Variants in CNTN4 observed in about 807,000 individuals in gnomAD.
CNTN4 encodes the protein contactin-4.
Under a neutral mutation model 122.5 loss-of-function variants are expected in CNTN4, and 77 were observed. The ratio of observed to expected loss-of-function variants is 0.63; its 90% CI spans 0.52 to 0.76. The LOEUF is 0.76. Among genes scored for constraint, CNTN4 ranks in the 30% least tolerant of loss-of-function variants. The pLI is 0.00. For synonymous variants in CNTN4, 512 were observed against 447.0 expected, an observed-to-expected ratio of 1.15 and a Z score of -1.83; for missense variants, 1,256 against 1,259.1, an observed-to-expected ratio of 1.00 and a Z score of 0.04.
intron 3 of CNTN4, among the ~76,000 whole-genome samples, chr3:2,363,103 G>T (rs1189329541): frequency 6.6e-6 from 1 of 152,144 alleles, no homozygotes; most frequent in African/African-American, 2.4e-5. Flanking sequence ...TCAAAGCCTG[G>T]CTGATTCTCT....
chr3:2,542,902 T>C (rs2078091601), intron 3 of CNTN4, among the ~76,000 whole-genome samples: 1 of 152,104 alleles, frequency 6.6e-6, no homozygotes, highest in Non-Finnish European at 1.5e-5. Flanking sequence ...CATGCTTACG[T>C]TGTATTCATG....
chr3:2,165,574 A>C (rs1330766585), intron 2 of CNTN4, among the ~76,000 whole-genome samples: 1 of 152,146 alleles, frequency 6.6e-6, no homozygotes, highest in Non-Finnish European at 1.5e-5. Context: ...CAAGTATACA[A>C]TACATTATTA....
chr3:2,329,373 T>C (rs1467209629), intron 2 of CNTN4, among the ~76,000 whole-genome samples: 2 of 152,196 alleles, frequency 1.3e-5, no homozygotes, highest in African/African-American at 2.4e-5. Context: ...CTCCAGACCA[T>C]GTTTCCTTCA....
intron 3 of CNTN4, among the ~76,000 whole-genome samples, chr3:2,390,387 G>C (rs1245544569): frequency 6.6e-6 from 1 of 151,988 alleles, no homozygotes; most frequent in Non-Finnish European, 1.5e-5. Context: ...AGTTAAGAAA[G>C]ATGCACCTAG....
intron 4 of CNTN4, among the ~76,000 whole-genome samples, chr3:2,677,675 G>A (rs1292973327): frequency 1.3e-5 from 2 of 151,996 alleles, no homozygotes; most frequent in African/African-American, 4.8e-5. Flanking sequence ...TTAAACAGTT[G>A]ACTTCAAATT....
chr3:2,396,486 C>T (rs1189253683), intron 3 of CNTN4, among the ~76,000 whole-genome samples: 1 of 152,132 alleles, frequency 6.6e-6, no homozygotes, highest in African/African-American at 2.4e-5. Context: ...ACCCCCTCCC[C>T]AGCCTCCCAC....
chr3:2,797,585 C>T (rs910028050), intron 6 of CNTN4, among the ~76,000 whole-genome samples: 5 of 152,152 alleles, frequency 3.3e-5, no homozygotes, highest in South Asian at 2.1e-4. Flanking sequence ...GCAACAAGAG[C>T]GAAACTCCGC....
intron 2 of CNTN4, among the ~76,000 whole-genome samples, chr3:2,121,617 A>G (rs1341088291): frequency 6.6e-6 from 1 of 152,240 alleles, no homozygotes. Flanking sequence ...TGAAGAATAT[A>G]AGCAAATGTC....
At chr3:3,020,849 G>A (rs1379075297) in intron 14 of CNTN4, among the ~76,000 whole-genome samples, 8 of 152,108 alleles carry the variant, frequency 5.3e-5, no homozygotes, top group Admixed American at 4.6e-4. Flanking sequence ...AGTTATTTTA[G>A]CTGCTATGGA....
chr3:2,580,833 G>T, intron 4 of CNTN4, among the ~76,000 whole-genome samples: 1 of 152,186 alleles, frequency 6.6e-6, no homozygotes, highest in African/African-American at 2.4e-5. Flanking sequence ...CAACCCTCTG[G>T]GAGAGGTATT....
At chr3:2,631,942 C>T (rs1220099085) in intron 4 of CNTN4, among the ~76,000 whole-genome samples, 2 of 150,526 alleles carry the variant, frequency 1.3e-5, no homozygotes, top group Non-Finnish European at 3.0e-5. Context: ...ATCCTACCTA[C>T]TTAGCAGGCT....
At chr3:2,114,294 A>G (rs747496655) in intron 2 of CNTN4, among the ~76,000 whole-genome samples, 19 of 151,964 alleles carry the variant, frequency 1.3e-4, no homozygotes, top group Non-Finnish European at 2.5e-4. Context: ...CTCAAAAAAA[A>G]ACAAAAAAAT....
At chr3:2,319,435 A>G (rs1283754638) in intron 2 of CNTN4, among the ~76,000 whole-genome samples, 1 of 152,142 alleles carries the variant, frequency 6.6e-6, no homozygotes, top group African/African-American at 2.4e-5. Flanking sequence ...AGTTACACCA[A>G]GGGTGCCTGC....
At chr3:3,010,713 A>G (rs1697145418) in intron 14 of CNTN4, among the ~76,000 whole-genome samples, 1 of 152,150 alleles carries the variant, frequency 6.6e-6, no homozygotes, top group African/African-American at 2.4e-5. Flanking sequence ...TGAAATTAAG[A>G]CCTACGTCGT....
rs1363655360 is a variant in CNTN4, at chr3:2,636,793, T to G, written c.55+65235T>G. Among the ~76,000 whole-genome samples, 5 of 152,140 alleles carry G rather than the reference T, an allele frequency of 3.3e-5. No homozygotes were observed. In the East Asian group the frequency reaches 9.6e-4, roughly 29 times the overall value. On this transcript the variant is annotated intron_variant, in intron 4 of 24. Coordinates refer to ENST00000418658, the MANE Select transcript of CNTN4 (RefSeq NM_175607.3). The stretch of plus-strand genomic sequence containing the variant: ...TATTTGCTGCTGAAGGACAAAACAG[T>G]ATTAACTATCTCAAAGGCAGTGGCT...
At chr3:3,038,432 G>C (rs996612121) in intron 18 of CNTN4, among the ~76,000 whole-genome samples, 1 of 152,080 alleles carries the variant, frequency 6.6e-6, no homozygotes, top group African/African-American at 2.4e-5. Flanking sequence ...TCTGAGCAGG[G>C]CGCTACTCCG....
chr3:2,832,364 A>G (rs9859742), intron 7 of CNTN4, among the ~76,000 whole-genome samples: 99,063 of 152,034 alleles, frequency 0.65, 32,753 homozygotes, highest in East Asian at 0.86. Context: ...CAGGTCTGCT[A>G]GGGAGGAGCG....
Position 2,793,147 on chromosome 3 carries a change from A to C in CNTN4, c.359-26339A>C, listed in dbSNP as rs367577362. 1.2e-4 allele frequency among the ~76,000 whole-genome samples: 19 copies of C among 152,290 alleles called. 2 individuals are homozygous for C. The highest frequency in any genetic ancestry group is 8.3e-4 in the South Asian group (4 of 4,820). The stretch of plus-strand genomic sequence containing the variant: ...AGGAAGACAGAGTTCAAATGAAAAC[A>C]AATTCACAATTAGCTTCATCCGAAA... On this transcript the variant is annotated intron_variant, in intron 6 of 24. Coordinates refer to ENST00000418658, the MANE Select transcript of CNTN4 (RefSeq NM_175607.3).
At position 2,571,483 on chromosome 3, in the gene CNTN4, CT is replaced by C; in HGVS notation, c.-18del. The C allele has an allele frequency of 6.2e-7, 1 of 1,604,662 alleles. No homozygotes were observed. The highest frequency in any genetic ancestry group is 8.5e-7 in the Non-Finnish European group (1 of 1,171,346). On this transcript the variant is annotated 5_prime_UTR_variant, in exon 4 of 25. Transcript: ENST00000418658. ...CGCTTGTTATTGGACTTGAAACTCC[CT>C]TTGACCTCGGAAACTGAAGATGAGG... is the stretch of plus-strand genomic sequence containing the variant.
Sources: gnomAD v4.1 joint callset for allele counts (sites outside exome capture counted in the v4.1 genomes callset) on GRCh38, gnomAD v4.1.1 for gene constraint, MANE v1.5 for transcripts, NCBI Gene and HGNC (gene_info 2026-07-23, HGNC 2026-07-21) for gene names.